The following CAMK2D variants were observed in gnomAD, a reference collection of about 807,000 sequenced individuals.
CAMK2D encodes calcium/calmodulin dependent protein kinase II delta.
A neutral mutation model predicts 84.0 loss-of-function variants in CAMK2D; 37 were observed. That is an observed-to-expected ratio of 0.44 (90% CI 0.34 to 0.58). CAMK2D has a LOEUF of 0.58. CAMK2D is among the 20% of genes least tolerant of loss of function. The pLI, the probability that CAMK2D is intolerant of heterozygous loss-of-function variation, is 0.02. For synonymous variants in CAMK2D, 202 were observed against 212.5 expected, an observed-to-expected ratio of 0.95 and a Z score of 0.43; for missense variants, 448 against 652.5, an observed-to-expected ratio of 0.69 and a Z score of 3.41.
At chr4:113,558,016 ACCTGGG>A (rs1316460386) in intron 4 of CAMK2D, among the ~76,000 whole-genome samples, 1 of 152,156 alleles carries the variant, frequency 6.6e-6, no homozygotes, top group African/African-American at 2.4e-5. Context: ...TTGGAGTTGA[ACCTGGG>A]CCCAGACCCA....
At chr4:113,553,226 C>A (rs2154200098) in intron 4 of CAMK2D, among the ~76,000 whole-genome samples, 1 of 152,214 alleles carries the variant, frequency 6.6e-6, no homozygotes, top group Non-Finnish European at 1.5e-5. Flanking sequence ...AAGTAACTTG[C>A]CCAAGATCAC....
intron 16 of CAMK2D, among the ~76,000 whole-genome samples, chr4:113,468,119 C>T (rs1196166099): frequency 6.6e-6 from 1 of 152,060 alleles, no homozygotes; most frequent in East Asian, 1.9e-4. Flanking sequence ...TTCTGAAAGT[C>T]TCTGCACTGC....
chr4:113,686,321 T>C (rs1463779781), intron 2 of CAMK2D, among the ~76,000 whole-genome samples: 1 of 152,210 alleles, frequency 6.6e-6, no homozygotes, highest in African/African-American at 2.4e-5. Flanking sequence ...CTGTACTTTT[T>C]CTCAATTCTC....
At chr4:113,478,487 T>G (rs193208620) in intron 16 of CAMK2D, among the ~76,000 whole-genome samples, 4 of 152,210 alleles carry the variant, frequency 2.6e-5, no homozygotes, top group African/African-American at 9.6e-5. Flanking sequence ...TTATAAAGAT[T>G]ATGAGTGAAG....
At chr4:113,624,706 A>C (rs2099060458) in intron 3 of CAMK2D, among the ~76,000 whole-genome samples, 1 of 152,156 alleles carries the variant, frequency 6.6e-6, no homozygotes, top group Admixed American at 6.6e-5. Context: ...AACTGCGTTG[A>C]AGGAATAAAT....
At chr4:113,629,617 A>C (rs1285683614) in intron 3 of CAMK2D, among the ~76,000 whole-genome samples, 1 of 152,086 alleles carries the variant, frequency 6.6e-6, no homozygotes, top group Non-Finnish European at 1.5e-5. Flanking sequence ...GTCATAATGC[A>C]CAGTTTGAAA....
chr4:113,651,130 C>T (rs562693565), intron 3 of CAMK2D, among the ~76,000 whole-genome samples: 101 of 152,232 alleles, frequency 6.6e-4, no homozygotes, highest in Middle Eastern at 6.8e-3. Flanking sequence ...AAGTGAAAAA[C>T]GTGAAAGAAT....
intron 2 of CAMK2D, among the ~76,000 whole-genome samples, chr4:113,670,185 G>C (rs547932500): frequency 3.4e-4 from 52 of 152,290 alleles, no homozygotes; most frequent in Non-Finnish European, 6.5e-4. Context: ...TGGAGGCTGA[G>C]GCAGGAGAAT....
intron 3 of CAMK2D, among the ~76,000 whole-genome samples, chr4:113,659,689 C>T: frequency 6.6e-6 from 1 of 152,200 alleles, no homozygotes; most frequent in East Asian, 1.9e-4. Context: ...AAATAAATTT[C>T]TGTTGCTTAA....
rs140777459 is a variant in CAMK2D at position 113,531,318 on chromosome 4, A to C, written c.518-19T>G. 1.6e-6 allele frequency: 2 copies of C among 1,282,380 alleles called. No individual in the cohort carries two copies. Among genetic ancestry groups the C allele is most frequent in the African/African-American group, 2.9e-5 (2 of 68,580 alleles). The allele number at this position is 1,282,380 out of a possible 1,614,324, so 79.4% of individuals were successfully genotyped here. On this transcript the variant is annotated intron_variant, in intron 7 of 20. Transcript: ENST00000511664. ...GCAAAACCTAGGGAAAAGAGATGTTAATGAGTCACAGTTGATTTGACAAAA... is the reference window on the plus strand; with the variant it reads ...GCAAAACCTAGGGAAAAGAGATGTTCATGAGTCACAGTTGATTTGACAAAA...
chr4:113,646,541 G>C (rs1424178316), intron 3 of CAMK2D, among the ~76,000 whole-genome samples: 1 of 152,210 alleles, frequency 6.6e-6, no homozygotes, highest in Admixed American at 6.5e-5. Context: ...ATGAGCAAAG[G>C]CCTGCAGGAA....
chr4:113,488,706 C>T (rs189010577), intron 16 of CAMK2D, among the ~76,000 whole-genome samples: 39 of 152,244 alleles, frequency 2.6e-4, no homozygotes, highest in African/African-American at 9.1e-4. Context: ...AAACTCATTA[C>T]AGGGTTTCAC....
intron 2 of CAMK2D, among the ~76,000 whole-genome samples, chr4:113,702,264 A>G (rs1210443516): frequency 6.6e-6 from 1 of 152,214 alleles, no homozygotes; most frequent in Non-Finnish European, 1.5e-5. Context: ...AACAAGGGTA[A>G]GCAAACTTTT....
chr4:113,479,050 C>T (rs908365382), intron 16 of CAMK2D, among the ~76,000 whole-genome samples: 2 of 152,126 alleles, frequency 1.3e-5, no homozygotes, highest in African/African-American at 4.8e-5. Flanking sequence ...AACCAATGAT[C>T]CTGTACACAG....
intron 4 of CAMK2D, among the ~76,000 whole-genome samples, chr4:113,589,923 C>T (rs768302482): frequency 6.6e-5 from 10 of 151,944 alleles, no homozygotes; most frequent in Non-Finnish European, 1.2e-4. Flanking sequence ...AGGAAGAACC[C>T]GCAAAGAAGA....
intron 2 of CAMK2D, among the ~76,000 whole-genome samples, chr4:113,736,604 T>G (rs1238909758): frequency 6.6e-6 from 1 of 152,210 alleles, no homozygotes; most frequent in East Asian, 1.9e-4. Flanking sequence ...GCAGATTCCC[T>G]GCAAGTCTAG....
chr4:113,565,352 G>A (rs142624593), intron 4 of CAMK2D, among the ~76,000 whole-genome samples: 1 of 152,044 alleles, frequency 6.6e-6, no homozygotes, highest in South Asian at 2.1e-4. Flanking sequence ...TTACTTTCAC[G>A]CAGAAGTCAA....
In CAMK2D at chr4:113,555,615, G is replaced by A. The variant is rs2098659271; in HGVS notation, c.276-3519C>T. Among the ~76,000 whole-genome samples, 3 of 152,114 alleles carry A rather than the reference G, an allele frequency of 2.0e-5. No homozygotes were observed. In the South Asian group the frequency reaches 6.2e-4, roughly 32 times the overall value. On this transcript the variant is annotated intron_variant, in intron 4 of 20. Coordinates refer to ENST00000511664, the MANE Select transcript of CAMK2D (RefSeq NM_001321571.2). Reference sequence around the variant, plus strand: ...CTGCTGCCTTGCATTTAAGCAATTGGTATCTCTTCATTTAGTGATGAAGGC... The same window carrying A: ...CTGCTGCCTTGCATTTAAGCAATTGATATCTCTTCATTTAGTGATGAAGGC...
At chr4:113,540,023 TG>T (rs1283595577) in intron 6 of CAMK2D, among the ~76,000 whole-genome samples, 1 of 152,166 alleles carries the variant, frequency 6.6e-6, no homozygotes, top group African/African-American at 2.4e-5. Flanking sequence ...CACACAAGTT[TG>T]ATTTCTATAT....
Sources: allele counts gnomAD v4.1 joint callset (sites outside exome capture counted in the v4.1 genomes callset), GRCh38; gene constraint gnomAD v4.1.1; transcripts MANE v1.5; gene names NCBI Gene and HGNC (gene_info 2026-07-23, HGNC 2026-07-21).